The following MCC variants were observed in gnomAD, a reference collection of about 807,000 sequenced individuals.
MCC encodes the protein MCC regulator of Wnt signaling pathway, also known as colorectal mutant cancer protein.
Under a neutral mutation model 116.2 loss-of-function variants are expected in MCC, and 90 were observed. The observed-to-expected ratio is 0.77, with a 90% CI of 0.65 to 0.92. The LOEUF (loss-of-function observed/expected upper bound fraction) is 0.92, where lower values mean the gene tolerates loss of function less well. Ranked by LOEUF, MCC falls within the 40% of genes least tolerant of loss-of-function variation. The pLI is 0.00. For missense variants in MCC, 1,516 were observed against 1,312.2 expected (o/e 1.16, Z -2.40); for synonymous variants, 578 against 510.5 (o/e 1.13, Z -1.78).
At chr5:113,159,362 C>G (rs1207335208) in intron 3 of MCC, among the ~76,000 whole-genome samples, 1 of 152,190 alleles carries the variant, frequency 6.6e-6, no homozygotes, top group East Asian at 1.9e-4. Flanking sequence ...ACTGTTCACC[C>G]AAGATCTTTT....
chr5:113,407,822 T>A (rs554215156), intron 1 of MCC, among the ~76,000 whole-genome samples: 11 of 148,362 alleles, frequency 7.4e-5, no homozygotes, highest in South Asian at 4.3e-4. Context: ...CAGGAGCCCC[T>A]GTGTGTGTTG....
chr5:113,270,868 A>G (rs1330654441), intron 3 of MCC, among the ~76,000 whole-genome samples: 1 of 151,892 alleles, frequency 6.6e-6, no homozygotes, highest in African/African-American at 2.4e-5. Flanking sequence ...CTTTGACAGA[A>G]AGATAACTGC....
chr5:113,429,685 G>A (rs928811855), intron 1 of MCC, among the ~76,000 whole-genome samples: 1 of 152,156 alleles, frequency 6.6e-6, no homozygotes, highest in African/African-American at 2.4e-5. Context: ...GGCTAGATCA[G>A]TTGGTGGTGT....
At chr5:113,032,565 GATC>G (rs1751033019) in intron 17 of MCC, among the ~76,000 whole-genome samples, 2 of 152,138 alleles carry the variant, frequency 1.3e-5, no homozygotes, top group African/African-American at 2.4e-5. Context: ...TGCATTTGTG[GATC>G]ATATTATATC....
intron 3 of MCC, among the ~76,000 whole-genome samples, chr5:113,186,295 G>C (rs575751699): frequency 6.6e-5 from 10 of 152,284 alleles, no homozygotes; most frequent in African/African-American, 2.2e-4. Context: ...AGTAAGTGCA[G>C]CTCCAGGGGC....
chr5:113,406,560 C>T (rs1481068196), intron 1 of MCC, among the ~76,000 whole-genome samples: 2 of 152,150 alleles, frequency 1.3e-5, no homozygotes, highest in East Asian at 3.8e-4. Context: ...TCTCTATAAT[C>T]CTATTTGTAG....
chr5:113,384,893 G>A, intron 2 of MCC, 75 bp downstream of exon 2: 1 of 1,549,234 alleles, frequency 6.5e-7, no homozygotes, highest in Non-Finnish European at 8.8e-7. Flanking sequence ...ATGATGGGGA[G>A]GCTACTCTCA....
chr5:113,153,658 A>G (rs1760011896), intron 3 of MCC, among the ~76,000 whole-genome samples: 1 of 152,188 alleles, frequency 6.6e-6, no homozygotes, highest in African/African-American at 2.4e-5. Context: ...TGAGTTTGGG[A>G]TGCATGCATA....
chr5:113,433,615 G>A lies in MCC; in HGVS notation c.171-48403C>T, dbSNP rs931163799. 8.8e-6 allele frequency: 11 copies of A among 1,254,448 alleles called. No homozygotes were observed. The Admixed American group carries it at 2.5e-4, about 29-fold the overall frequency. The allele number at this position is 1,254,448 out of a possible 1,614,324, so 77.7% of individuals were successfully genotyped here. On this transcript the variant is annotated intron_variant, in intron 1 of 18. Coordinates refer to ENST00000408903, the MANE Select transcript of MCC (RefSeq NM_001085377.2). Reference sequence around the variant, plus strand: ...TTACCAAGTTCAAGGGGAGAGAGAAGAAGCTGATGAAAATAGAGGCTCATC... The same window carrying A: ...TTACCAAGTTCAAGGGGAGAGAGAAAAAGCTGATGAAAATAGAGGCTCATC...
intron 2 of MCC, among the ~76,000 whole-genome samples, chr5:113,371,308 C>T (rs1054882463): frequency 3.3e-5 from 5 of 152,186 alleles, no homozygotes; most frequent in African/African-American, 1.2e-4. Flanking sequence ...AGTTTTGTGA[C>T]CTCAGCAATA....
At chr5:113,476,272 T>G (rs1419007124) in intron 1 of MCC, among the ~76,000 whole-genome samples, 1 of 152,164 alleles carries the variant, frequency 6.6e-6, no homozygotes, top group Admixed American at 6.5e-5. Flanking sequence ...GTTGGACAAT[T>G]CGTACTTCCC....
intron 3 of MCC, among the ~76,000 whole-genome samples, chr5:113,257,778 G>A (rs567773220): frequency 2.6e-5 from 4 of 152,166 alleles, no homozygotes; most frequent in East Asian, 3.9e-4. Context: ...TTGGGAAAAC[G>A]TCATTAAAGA....
In MCC at chr5:113,027,606, C is replaced by T. The variant is rs188059052; in HGVS notation, c.2880-124G>A. 1.1e-4 allele frequency: 98 copies of T among 887,528 alleles called. 1 individual carries two copies. The highest frequency in any genetic ancestry group is 6.2e-4 in the Admixed American group (27 of 43,732). The allele number at this position is 887,528 out of a possible 1,614,324, so 55.0% of individuals were successfully genotyped here. On this transcript the variant is annotated intron_variant, in intron 18 of 18. Transcript: ENST00000408903. ...CTGAAGAAAGATCACTCATCCTCTT[C>T]GGTAAGAATCTGAAATCTAGTGGTC...
intron 3 of MCC, among the ~76,000 whole-genome samples, chr5:113,284,555 C>G (rs1766173017): frequency 1.3e-5 from 2 of 152,110 alleles, no homozygotes; most frequent in Non-Finnish European, 2.9e-5. Context: ...AAAAATATCC[C>G]TGGGAATTAG....
At chr5:113,449,962 T>C (rs547568633) in intron 1 of MCC, among the ~76,000 whole-genome samples, 2 of 152,354 alleles carry the variant, frequency 1.3e-5, no homozygotes, top group African/African-American at 2.4e-5. Context: ...TGTTTACTTT[T>C]TCCTTTATAA....
Position 113,259,293 on chromosome 5 carries a change from A to T in MCC, c.627+81226T>A, listed in dbSNP as rs142288318. Among the ~76,000 whole-genome samples the T allele has an allele frequency of 1.1e-4, 16 of 152,336 alleles. No individual in the cohort carries two copies. The East Asian group carries it at 2.3e-3, about 22-fold the overall frequency. ...CATTGTTACAGATGAATCCCAATTC[A>T]AACAGTCAAAAAATGAACATTGCCA... On this transcript the variant is annotated intron_variant, in intron 3 of 18. Coordinates refer to ENST00000408903, the MANE Select transcript of MCC (RefSeq NM_001085377.2).
In MCC at chr5:113,284,770, A is replaced by G. The variant is rs1292745489; in HGVS notation, c.627+55749T>C. On this transcript the variant is annotated intron_variant, in intron 3 of 18. Coordinates refer to ENST00000408903, the MANE Select transcript of MCC (RefSeq NM_001085377.2). ...TTTTCTGGTCATAATCTGACTGCCA[A>G]GTAGTTTTTCAATAGGAAATAAGTG... Among the ~76,000 whole-genome samples, 3 of 152,212 alleles carry G rather than the reference A, an allele frequency of 2.0e-5. 1 individual carries two copies. Among genetic ancestry groups the G allele is most frequent in the Non-Finnish European group, 2.9e-5 (2 of 68,044 alleles).
intron 3 of MCC, among the ~76,000 whole-genome samples, chr5:113,226,049 G>A (rs73244756): frequency 0.021 from 3,153 of 152,340 alleles, 75 homozygotes; most frequent in African/African-American, 0.058. Context: ...GGTGGCAGGT[G>A]CCTGTAATTC....
At chr5:113,072,225 AG>A (rs1754089130) in intron 11 of MCC, among the ~76,000 whole-genome samples, 1 of 152,244 alleles carries the variant, frequency 6.6e-6, no homozygotes, top group African/African-American at 2.4e-5. Flanking sequence ...ATTAGCTTCA[AG>A]GAAAAATCTT....
Sources: allele counts gnomAD v4.1 joint callset (sites outside exome capture counted in the v4.1 genomes callset), GRCh38; gene constraint gnomAD v4.1.1; transcripts MANE v1.5; gene names NCBI Gene and HGNC (gene_info 2026-07-23, HGNC 2026-07-21).